The following GPAM variants were observed in gnomAD, a reference collection of about 807,000 sequenced individuals.
The protein encoded by GPAM is glycerol-3-phosphate acyltransferase 1, mitochondrial.
Under a neutral mutation model 105.0 loss-of-function variants are expected in GPAM, and 56 were observed. The observed-to-expected ratio is 0.53, with a 90% CI of 0.43 to 0.67. The LOEUF (loss-of-function observed/expected upper bound fraction) is 0.67, where lower values mean the gene tolerates loss of function less well. GPAM is among the 30% of genes least tolerant of loss of function. GPAM has a pLI of 0.00. For missense variants in GPAM, 855 were observed against 989.8 expected, an observed-to-expected ratio of 0.86 and a Z score of 1.83; for synonymous variants, 368 against 354.4, an observed-to-expected ratio of 1.04 and a Z score of -0.43.
In GPAM at chr10:112,150,400, T is replaced by C. The variant is rs1846894361; in HGVS notation, c.*3150A>G. 3.0e-6 allele frequency: 3 copies of C among 985,854 alleles called. No individual in the cohort carries two copies. The highest frequency in any genetic ancestry group is 4.7e-5 in the South Asian group (1 of 21,284). 61.1% of individuals were successfully genotyped at this position (985,854 alleles called of 1,614,324 possible). ...AGGATCATTGGGGCTGTTCTCTCTA[T>C]CAAAGGAAAGAGCTCCGATCACCTA... On this transcript the variant is annotated 3_prime_UTR_variant, in exon 22 of 22. Transcript: ENST00000348367.
chr10:112,181,753 A>G lies in GPAM; in HGVS notation c.32T>C (p.Ile11Thr), dbSNP rs201270796. 3 of 1,609,094 alleles carry G rather than the reference A, an allele frequency of 1.9e-6. No individual in the cohort carries two copies. Among genetic ancestry groups the G allele is most frequent in the African/African-American group, 1.3e-5 (1 of 74,806 alleles). The stretch of plus-strand genomic sequence containing the variant: ...TGAATGTGGCAGATAAGAAACATCT[A>G]TTGTACCAAGGGTCAGTGCAGATTC... MDESALTLGT[I>T]DVSYLPHSSE... Residue 11 changes from isoleucine (I) to threonine (T), a missense_variant, in exon 3 of 22, where the codon ATA becomes ACA. Coordinates refer to ENST00000348367, the MANE Select transcript of GPAM (RefSeq NM_001244949.2).
intron 5 of GPAM, among the ~76,000 whole-genome samples, chr10:112,177,163 A>C (rs1015402544): frequency 2.0e-5 from 3 of 152,152 alleles, no homozygotes; most frequent in Admixed American, 6.5e-5. Flanking sequence ...ACTTAGACTT[A>C]AGTTCTATTT....
chr10:112,177,001 ACT>A (rs1267243312), intron 5 of GPAM, among the ~76,000 whole-genome samples: 1 of 152,108 alleles, frequency 6.6e-6, no homozygotes, highest in East Asian at 1.9e-4. Flanking sequence ...CATAAGGAAG[ACT>A]CTGAGATCCC....
At chr10:112,155,830 A>C (rs369982676) in intron 20 of GPAM, 34 bp downstream of exon 20, 167 of 1,370,036 alleles carry the variant, frequency 1.2e-4, no homozygotes, top group Non-Finnish European at 1.6e-4. Flanking sequence ...AAAAAAAAAA[A>C]GATTTTAAAA....
chr10:112,177,279 C>G (rs1847424043), intron 5 of GPAM, among the ~76,000 whole-genome samples: 1 of 152,192 alleles, frequency 6.6e-6, no homozygotes, highest in Non-Finnish European at 1.5e-5. Flanking sequence ...ATTTCTTGCA[C>G]TAATTTTCAT....
At chr10:112,219,179 C>G (rs1847997397), upstream of GPAM, among the ~76,000 whole-genome samples, 1 of 152,166 alleles carries the variant, frequency 6.6e-6, no homozygotes, top group Non-Finnish European at 1.5e-5. Context: ...ATTCTCAGCA[C>G]CTGTCCAGTC....
the GPAM span, among the ~76,000 whole-genome samples, chr10:112,225,451 T>C: frequency 5.9e-5 from 9 of 152,096 alleles, no homozygotes; most frequent in African/African-American, 1.9e-4. Context: ...ACCACCACCT[T>C]TCCATTCCAC....
At position 112,156,042 on chromosome 10, in the gene GPAM, G is replaced by A; in HGVS notation, c.2133C>T (p.Ser711=). ...QRDCYLKVSQ[S]KEHQQFITFL... ...AGGTGATAAACTGCTGGTGCTCCTT[G>A]GATTGGCTCACCTGAGTGTGCAAAA... Residue 711 remains serine (S), a synonymous_variant, in exon 20 of 22, where the codon TCC becomes TCT. Coordinates refer to ENST00000348367, the MANE Select transcript of GPAM (RefSeq NM_001244949.2). 2.5e-6 allele frequency: 4 copies of A among 1,611,680 alleles called. No homozygotes were observed. The highest frequency in any genetic ancestry group is 2.5e-6 in the Non-Finnish European group (3 of 1,178,266).
At position 112,181,764 on chromosome 10, in the gene GPAM, G is replaced by T. The variant is rs778340452; in HGVS notation, c.21C>A (p.Thr7=). 5 of 1,602,312 alleles carry T rather than the reference G, an allele frequency of 3.1e-6. No individual in the cohort carries two copies. The highest frequency in any genetic ancestry group is 4.3e-6 in the Non-Finnish European group (5 of 1,169,710). The change falls in exon 3 of 22, where the codon ACC becomes ACA. Residue 7 remains threonine (T), a synonymous_variant. Transcript: ENST00000348367. MDESAL[T]LGTIDVSYLP... is the part of the protein sequence containing the mutation. ...GATAAGAAACATCTATTGTACCAAG[G>T]GTCAGTGCAGATTCATCCATGTCAC...
At position 112,172,287 on chromosome 10, in the gene GPAM, T is replaced by C. The variant is rs1351274297; in HGVS notation, c.689A>G (p.His230Arg). The C allele has an allele frequency of 6.2e-7, 1 of 1,612,478 alleles. No homozygotes were observed. The highest frequency in any genetic ancestry group is 2.2e-5 in the East Asian group (1 of 44,846). ...TNLPLLFLPV[H>R]RSHIDYLLLT... is the part of the protein sequence containing the mutation. The stretch of plus-strand genomic sequence containing the variant: ...CAGCAGATAGTCAATATGGGATCTA[T>C]GAACTGGTAGAAACAGAAGCGGCAA... The change falls in exon 9 of 22, where the codon CAT becomes CGT. Residue 230 changes from histidine to arginine, a missense_variant. His to Arg is a conservative substitution (Grantham distance 29). Coordinates refer to ENST00000348367, the MANE Select transcript of GPAM (RefSeq NM_001244949.2).
intron 1 of GPAM, among the ~76,000 whole-genome samples, chr10:112,207,911 T>C (rs192699664): frequency 2.6e-5 from 4 of 152,312 alleles, no homozygotes; most frequent in Non-Finnish European, 4.4e-5. Flanking sequence ...TATGTAAGCA[T>C]TGAGGTCCTA....
rs1223785087 is a variant in GPAM, at chr10:112,206,827, A to G, written n.210+8341T>C. ...TAAAACTTAAAGTATAATAAAAAAA[A>G]AAATTTAAAAAAAAAAAAAAAGAAT... is the stretch of plus-strand genomic sequence containing the variant. On this transcript the variant is annotated intron_variant and non_coding_transcript_variant, in intron 1 of 3. Coordinates refer to the GPAM transcript ENST00000480130. 2.8e-5 allele frequency among the ~76,000 whole-genome samples: 4 copies of G among 144,880 alleles called. No homozygotes were observed. The East Asian group carries it at 8.1e-4, about 29-fold the overall frequency.
Position 112,160,694 on chromosome 10 carries a change from T to TA in GPAM, c.1668dup (p.Ile557TyrfsTer48). On this transcript the variant is annotated frameshift_variant, in exon 16 of 22. Transcript: ENST00000348367. LOFTEE classifies it high-confidence loss of function. The stretch of plus-strand genomic sequence containing the variant: ...GATGGGACAGTTGTGCTGGGGGTGA[T>TA]AAAAAACTCATCGTTCCTGCTAGTG... The TA allele has an allele frequency of 2.5e-6, 4 of 1,613,890 alleles. No homozygotes were observed. Among genetic ancestry groups the TA allele is most frequent in the Non-Finnish European group, 3.4e-6 (4 of 1,179,828 alleles).
chr10:112,208,031 T>C (rs899106693), intron 1 of GPAM, among the ~76,000 whole-genome samples: 3 of 152,206 alleles, frequency 2.0e-5, no homozygotes, highest in Non-Finnish European at 2.9e-5. Flanking sequence ...CTGGTGGACA[T>C]TTTGTTGTAT....
chr10:112,202,595 T>C (rs1847810560), intron 1 of GPAM, among the ~76,000 whole-genome samples: 1 of 152,232 alleles, frequency 6.6e-6, no homozygotes, highest in South Asian at 2.1e-4. Context: ...ATCTATGACA[T>C]TTTAAGCAAG....
chr10:112,181,787 C>G lies in GPAM; in HGVS notation c.-3G>C, dbSNP rs1435506568. 3 of 1,538,028 alleles carry G rather than the reference C, an allele frequency of 2.0e-6. No homozygotes were observed. The highest frequency in any genetic ancestry group is 2.7e-6 in the Non-Finnish European group (3 of 1,110,960). ...AGGGTCAGTGCAGATTCATCCATGT[C>G]ACAAAGTGTAATTCCCAAATCATGT... On this transcript the variant is annotated 5_prime_UTR_variant, in exon 3 of 22. Transcript: ENST00000348367.
upstream of GPAM, among the ~76,000 whole-genome samples, chr10:112,215,744 T>C (rs971326582): frequency 4.6e-5 from 7 of 152,108 alleles, no homozygotes; most frequent in African/African-American, 1.2e-4. Flanking sequence ...GAGGTTTGAC[T>C]GGGGCTGAGC....
chr10:112,173,809 T>C lies in GPAM; in HGVS notation c.450A>G (p.Leu150=). ...QEAIAEVAAE[L]NPDGSAQQQS... ...GCTGCTGGGCAGAACCATCAGGGTT[T>C]AATTCAGCAGCCACTTCTGCAATTG... The change falls in exon 7 of 22, where the codon TTA becomes TTG. Residue 150 remains leucine, a synonymous_variant. Coordinates refer to ENST00000348367, the MANE Select transcript of GPAM (RefSeq NM_001244949.2). 1 of 1,613,244 alleles carries C rather than the reference T, an allele frequency of 6.2e-7. No individual in the cohort carries two copies. The highest frequency in any genetic ancestry group is 2.2e-5 in the East Asian group (1 of 44,872).
At chr10:112,216,223 C>G (rs1257525809), upstream of GPAM, among the ~76,000 whole-genome samples, 1 of 152,200 alleles carries the variant, frequency 6.6e-6, no homozygotes, top group Non-Finnish European at 1.5e-5. Flanking sequence ...TTAAGGGGAA[C>G]CCTCTTATTA....
Sources: gnomAD v4.1 joint callset for allele counts (sites outside exome capture counted in the v4.1 genomes callset) on GRCh38, gnomAD v4.1.1 for gene constraint, MANE v1.5 for transcripts, NCBI Gene and HGNC (gene_info 2026-07-23, HGNC 2026-07-21) for gene names.